The following GRM8 variants were observed in gnomAD, a reference collection of about 807,000 sequenced individuals.
GRM8 encodes the protein metabotropic glutamate receptor 8.
In GRM8, 47 loss-of-function variants were observed where a neutral mutation model predicts 87.2. That is an observed-to-expected ratio of 0.54 (90% CI 0.43 to 0.69). The LOEUF is 0.69. GRM8 is among the 30% of genes least tolerant of loss of function. The probability of loss-of-function intolerance (pLI) is 0.00; values close to 1 mark genes in which losing one functional copy is unlikely to be tolerated. For missense variants in GRM8, 1,019 were observed against 1,139.2 expected, an observed-to-expected ratio of 0.89 and a Z score of 1.52; for synonymous variants, 396 against 404.5, an observed-to-expected ratio of 0.98 and a Z score of 0.25.
chr7:126,957,533 C>T (rs571906925), intron 3 of GRM8, among the ~76,000 whole-genome samples: 23 of 152,318 alleles, frequency 1.5e-4, no homozygotes, highest in Admixed American at 1.4e-3. Context: ...GCTCCTGATC[C>T]CTGGCCTCTC....
chr7:126,712,212 C>G (rs62477946), intron 7 of GRM8, among the ~76,000 whole-genome samples: 4 of 152,048 alleles, frequency 2.6e-5, no homozygotes, highest in African/African-American at 9.7e-5. Flanking sequence ...TGATGGCTTA[C>G]AGAATACGGA....
chr7:126,969,617 C>G (rs995740835), intron 3 of GRM8, among the ~76,000 whole-genome samples: 2 of 152,128 alleles, frequency 1.3e-5, no homozygotes, highest in African/African-American at 4.8e-5. Flanking sequence ...ATTTCCTCTA[C>G]TACAGTCTTG....
intron 9 of GRM8, among the ~76,000 whole-genome samples, chr7:126,458,303 A>G (rs1803491181): frequency 6.6e-6 from 1 of 151,256 alleles, no homozygotes; most frequent in South Asian, 2.1e-4. Context: ...CTCAAAAGAG[A>G]AAAGCATATA....
At chr7:126,686,835 T>A (rs192084919) in intron 7 of GRM8, among the ~76,000 whole-genome samples, 73 of 152,292 alleles carry the variant, frequency 4.8e-4, no homozygotes, top group African/African-American at 1.7e-3. Flanking sequence ...CATAGAGGCT[T>A]CCAGCCAGAA....
chr7:127,140,467 T>C (rs1828203104), intron 2 of GRM8, among the ~76,000 whole-genome samples: 1 of 152,158 alleles, frequency 6.6e-6, no homozygotes, highest in Admixed American at 6.5e-5. Context: ...TGTAACTATT[T>C]AAAAGATATT....
At chr7:126,539,716 C>CA (rs924558374) in intron 8 of GRM8, among the ~76,000 whole-genome samples, 1 of 149,036 alleles carries the variant, frequency 6.7e-6, no homozygotes, top group Non-Finnish European at 1.5e-5. Flanking sequence ...TTTTTTTTTT[C>CA]AAAAAATGAT....
chr7:126,442,006 A>T, intron 10 of GRM8, among the ~76,000 whole-genome samples: 1 of 4,420 alleles, frequency 2.3e-4, no homozygotes, highest in African/African-American at 2.8e-3. Context: ...AAATGCGTGA[A>T]AAAAAAAAAA....
intron 6 of GRM8, among the ~76,000 whole-genome samples, chr7:126,877,682 C>T (rs1451318752): frequency 2.0e-5 from 3 of 152,134 alleles, no homozygotes; most frequent in Non-Finnish European, 4.4e-5. Flanking sequence ...TTAATATTTA[C>T]CTGTCTCCAA....
chr7:127,164,254 A>T (rs1292273837), intron 2 of GRM8, among the ~76,000 whole-genome samples: 3 of 152,178 alleles, frequency 2.0e-5, no homozygotes, highest in Non-Finnish European at 4.4e-5. Flanking sequence ...AGATGCCAGC[A>T]TCATGCTTCT....
At chr7:126,661,417 G>T (rs1355924171) in intron 7 of GRM8, among the ~76,000 whole-genome samples, 1 of 151,890 alleles carries the variant, frequency 6.6e-6, no homozygotes, top group African/African-American at 2.4e-5. Flanking sequence ...AAAAAACTCA[G>T]GTTTCTAAGT....
chr7:127,028,012 T>A (rs964587379), intron 3 of GRM8, among the ~76,000 whole-genome samples: 2 of 152,186 alleles, frequency 1.3e-5, no homozygotes, highest in African/African-American at 4.8e-5. Flanking sequence ...CCTCCATACC[T>A]AGTTTATTGA....
chr7:126,505,641 C>T (rs1461447210), intron 9 of GRM8, among the ~76,000 whole-genome samples: 4 of 152,032 alleles, frequency 2.6e-5, no homozygotes, highest in East Asian at 3.9e-4. Context: ...ATGTCTCCTG[C>T]CCCGCTTTAT....
chr7:127,205,055 C>T (rs147511320), intron 2 of GRM8, among the ~76,000 whole-genome samples: 79 of 152,236 alleles, frequency 5.2e-4, no homozygotes, highest in Non-Finnish European at 8.1e-4. Flanking sequence ...TGTTGGTTTG[C>T]GGAAAGACAA....
intron 9 of GRM8, among the ~76,000 whole-genome samples, chr7:126,478,195 A>C (rs891459551): frequency 1.3e-5 from 2 of 152,112 alleles, no homozygotes; most frequent in Admixed American, 1.3e-4. Context: ...CATTTAACAC[A>C]CAACAATTAT....
chr7:127,105,346 C>T (rs1825707739), intron 3 of GRM8: 1 of 152,176 alleles, frequency 6.6e-6, no homozygotes, highest in Non-Finnish European at 1.5e-5. Flanking sequence ...ATCTGTCCAA[C>T]AAGACCAGGC....
chr7:126,491,264 C>A (rs1471673035), intron 9 of GRM8, among the ~76,000 whole-genome samples: 4 of 151,998 alleles, frequency 2.6e-5, no homozygotes, highest in Non-Finnish European at 5.9e-5. Flanking sequence ...TCTCCATAGA[C>A]CCTAGACAAT....
At chr7:127,030,924 C>A (rs1200921043) in intron 3 of GRM8, among the ~76,000 whole-genome samples, 3 of 152,058 alleles carry the variant, frequency 2.0e-5, no homozygotes, top group African/African-American at 7.2e-5. Flanking sequence ...CTTGGCTGAC[C>A]CTCTCTGAAG....
chr7:126,533,272 A>C lies in GRM8; in HGVS notation c.2110T>G (p.Ser704Ala). Residue 704 changes from serine to alanine, a missense_variant, in exon 9 of 11, where the codon TCC becomes GCC. Coordinates refer to ENST00000339582, the MANE Select transcript of GRM8 (RefSeq NM_000845.3). ...ACAAACACTCCAAGGAGCTGGACGG[A>C]GATGAGGCTGAAGGTGATCACCAGC... ...SQLVITFSLI[S>A]VQLLGVFVWF... 3.1e-6 allele frequency: 5 copies of C among 1,613,692 alleles called. No homozygotes were observed. The Admixed American group carries it at 8.3e-5, about 27-fold the overall frequency.
intron 3 of GRM8, among the ~76,000 whole-genome samples, chr7:127,091,262 AT>A (rs1824035705): frequency 6.6e-6 from 1 of 151,892 alleles, no homozygotes. Context: ...CAGCAGGACA[AT>A]TCCTGTCATA....
Sources: gnomAD v4.1 joint callset for allele counts (sites outside exome capture counted in the v4.1 genomes callset) on GRCh38, gnomAD v4.1.1 for gene constraint, MANE v1.5 for transcripts, NCBI Gene and HGNC (gene_info 2026-07-23, HGNC 2026-07-21) for gene names.